The following PRR14L variants were observed in gnomAD, a reference collection of about 807,000 sequenced individuals.
The protein encoded by PRR14L is proline rich 14 like.
In PRR14L, 80 loss-of-function variants were observed where a neutral mutation model predicts 155.0. That is an observed-to-expected ratio of 0.52 (90% confidence interval 0.43 to 0.62). The LOEUF (loss-of-function observed/expected upper bound fraction) is 0.62. Among genes scored for constraint, PRR14L ranks in the 20% least tolerant of loss-of-function variants. The probability of loss-of-function intolerance (pLI) is 0.00; values close to 1 mark genes in which losing one functional copy is unlikely to be tolerated. For missense variants in PRR14L, 2,469 were observed against 2,548.0 expected (o/e 0.97, Z 0.67); for synonymous variants, 883 against 916.0 (o/e 0.96, Z 0.65).
In PRR14L at chr22:31,750,036, C is replaced by G. The variant is rs1176782090; in HGVS notation, c.-95G>C. ...GCCCGCGCTTGCCCAGCCAGCTCAGCCCCTGCAGCTGCAGCCCCGTCGTCG... is the reference window on the plus strand; with the variant it reads ...GCCCGCGCTTGCCCAGCCAGCTCAGGCCCTGCAGCTGCAGCCCCGTCGTCG... On this transcript the variant is annotated 5_prime_UTR_variant, in exon 1 of 9. Transcript: ENST00000327423. The G allele has an allele frequency of 1.3e-5, 2 of 153,096 alleles. No individual in the cohort carries two copies. The highest frequency in any genetic ancestry group is 2.9e-5 in the Non-Finnish European group (2 of 68,812). 9.5% of individuals were successfully genotyped at this position (153,096 alleles called of 1,614,324 possible).
intron 2 of PRR14L, among the ~76,000 whole-genome samples, chr22:31,726,843 G>C (rs2074719031): frequency 6.7e-6 from 1 of 149,774 alleles, no homozygotes; most frequent in Admixed American, 7.6e-5. Context: ...ACCCAGTCAG[G>C]ACAGGGTGCT....
chr22:31,703,150 C>G (rs2074571597), intron 6 of PRR14L, among the ~76,000 whole-genome samples: 1 of 152,182 alleles, frequency 6.6e-6, no homozygotes, highest in African/African-American at 2.4e-5. Context: ...CCCTTCATAT[C>G]ATCAAAACAA....
At position 31,713,331 on chromosome 22, in the gene PRR14L, C is replaced by T. The variant is rs557869990; in HGVS notation, c.4508G>A (p.Cys1503Tyr). The T allele has an allele frequency of 1.3e-6, 2 of 1,552,312 alleles. No individual in the cohort carries two copies. The highest frequency in any genetic ancestry group is 2.4e-5 in the East Asian group (1 of 40,920). The change falls in exon 4 of 9, where the codon TGT becomes TAT. Residue 1503 changes from cysteine (C) to tyrosine (Y), a missense_variant. Physicochemically the swap from Cys to Tyr is radical, Grantham distance 194. Coordinates refer to ENST00000327423, the MANE Select transcript of PRR14L (RefSeq NM_173566.3). The part of the protein sequence containing the change: ...RKAQDPSSAG[C>Y]DQIHGAFAKK... ...CGCAAAGGCACCATGTATTTGATCA[C>T]ACCCAGCAGAGGAGGGGTCTTGTGC...
chr22:31,701,678 T>C lies in PRR14L; in HGVS notation c.6085A>G (p.Met2029Val), dbSNP rs1342364031. Reference protein sequence around the residue: ...IPRPDPNLTPMGLPRPKRLKK... With the variant: ...IPRPDPNLTPVGLPRPKRLKK... The stretch of plus-strand genomic sequence containing the variant: ...CACCTTTTGGGTCGAGGAAGGCCCA[T>C]GGGGGTAAGATTAGGATCTGGCCTA... The change falls in exon 7 of 9, where the codon ATG becomes GTG. Residue 2029 changes from methionine (M) to valine (V), a missense_variant. By Grantham distance (21) the Met-to-Val change is conservative (BLOSUM62 1). Coordinates refer to ENST00000327423, the MANE Select transcript of PRR14L (RefSeq NM_173566.3). The C allele has an allele frequency of 6.2e-7, 1 of 1,612,592 alleles. No individual in the cohort carries two copies. The highest frequency in any genetic ancestry group is 1.1e-5 in the South Asian group (1 of 90,822).
At position 31,713,279 on chromosome 22, in the gene PRR14L, C is replaced by G. The variant is rs1410755750; in HGVS notation, c.4560G>C (p.Lys1520Asn). ...FAKKGVLPLK[K>N]QPHRTCKKVS... ...CTTTCTTACAAGTTCGATGGGGCTG[C>G]TTCTTTAAGGGAAGAACTCCTTTCT... Residue 1520 changes from lysine to asparagine, a missense_variant, in exon 4 of 9, where the codon AAG becomes AAC. Lys to Asn is a moderately conservative substitution (Grantham distance 94, BLOSUM62 0). This residue lies in a region of PRR14L where 2,363 missense variants were observed against 2,371.6 expected (regional missense o/e 1.00). Coordinates refer to ENST00000327423, the MANE Select transcript of PRR14L (RefSeq NM_173566.3). 1 of 1,552,086 alleles carries G rather than the reference C, an allele frequency of 6.4e-7. No individual in the cohort carries two copies. Among genetic ancestry groups the G allele is most frequent in the Non-Finnish European group, 8.7e-7 (1 of 1,147,108 alleles).
At chr22:31,694,832 A>T (rs373024994) in intron 7 of PRR14L, among the ~76,000 whole-genome samples, 28 of 151,780 alleles carry the variant, frequency 1.8e-4, no homozygotes, top group African/African-American at 6.5e-4. Context: ...CACGCCTATA[A>T]TCCCAGCACT....
intron 7 of PRR14L, among the ~76,000 whole-genome samples, chr22:31,701,437 A>G (rs1169606256): frequency 6.6e-6 from 1 of 152,166 alleles, no homozygotes; most frequent in Non-Finnish European, 1.5e-5. Flanking sequence ...CTACGACCTA[A>G]CACAGGTTCA....
chr22:31,733,903 AC>A (rs1393886894), intron 2 of PRR14L, among the ~76,000 whole-genome samples: 7 of 149,000 alleles, frequency 4.7e-5, no homozygotes, highest in South Asian at 2.1e-4. Context: ...AACCACCACC[AC>A]CACACACACA....
Position 31,712,465 on chromosome 22 carries a change from C to T in PRR14L, c.5374G>A (p.Ala1792Thr). Residue 1792 changes from alanine (A) to threonine (T), a missense_variant, in exon 4 of 9, where the codon GCT becomes ACT. Around this residue, in one of 2 missense-constraint regions of PRR14L, gnomAD observed 2,363 missense variants for 2,371.6 expected, o/e 1.00. Transcript: ENST00000327423. ...TGVHSQTHTQ[A>T]PPQPPAPLQD... is the part of the protein sequence containing the mutation. Reference sequence around the variant, plus strand: ...AGAGGAGCTGGAGGCTGGGGAGGAGCCTGAGTGTGGGTCTGACTATGGACG... The same window carrying T: ...AGAGGAGCTGGAGGCTGGGGAGGAGTCTGAGTGTGGGTCTGACTATGGACG... The T allele has an allele frequency of 6.4e-7, 1 of 1,553,830 alleles. No homozygotes were observed. Among genetic ancestry groups the T allele is most frequent in the Non-Finnish European group, 8.7e-7 (1 of 1,148,004 alleles).
At chr22:31,748,915 T>C (rs2074855637) in intron 1 of PRR14L, among the ~76,000 whole-genome samples, 1 of 152,146 alleles carries the variant, frequency 6.6e-6, no homozygotes, top group East Asian at 1.9e-4. Context: ...GGACTGGAAG[T>C]GTCTCTTTCT....
chr22:31,703,756 G>T, intron 5 of PRR14L, 35 bp from the exon 6 acceptor site: 4 of 1,317,656 alleles, frequency 3.0e-6, no homozygotes, highest in South Asian at 3.4e-5. Flanking sequence ...TATGAGAGGG[G>T]TTCCCTTTCT....
intron 7 of PRR14L, among the ~76,000 whole-genome samples, chr22:31,689,383 T>C (rs2147851707): frequency 7.1e-6 from 1 of 141,718 alleles, no homozygotes; most frequent in East Asian, 2.0e-4. Flanking sequence ...TAGGAGTCTC[T>C]GAGAGCTTTG....
In PRR14L at chr22:31,714,461, G is replaced by A. The variant is rs1456322497; in HGVS notation, c.3378C>T (p.Leu1126=). The A allele has an allele frequency of 6.4e-7, 1 of 1,551,222 alleles. No homozygotes were observed. The highest frequency in any genetic ancestry group is 1.2e-5 in the South Asian group (1 of 83,928). The change falls in exon 4 of 9, where the codon CTC becomes CTT. Residue 1126 remains leucine, a synonymous_variant. Coordinates refer to ENST00000327423, the MANE Select transcript of PRR14L (RefSeq NM_173566.3). ...TTTCTTCACATGATTTTTTTATTTT[G>A]AGAAAGTCCACTGTAGAAGCAGCAG... The part of the protein sequence containing the change: ...PVTAASTVDF[L]KIKKSCEENV...
chr22:31,733,298 G>GTTTTCTTTTTTTTT (rs2074760270), intron 2 of PRR14L, among the ~76,000 whole-genome samples: 1 of 64,034 alleles, frequency 1.6e-5, no homozygotes, highest in African/African-American at 7.4e-5. Context: ...CCTGGCCACT[G>GTTTTCTTTTTTTTT]TTTTTTTTTT....
chr22:31,717,430 A>G (rs1013624041), intron 3 of PRR14L, 139 bp from the exon 4 acceptor site: 1 of 665,608 alleles, frequency 1.5e-6, no homozygotes, highest in Non-Finnish European at 2.5e-6. Flanking sequence ...TTAGCATGCT[A>G]TACCATTGAT....
At chr22:31,717,903 G>A (rs1406686147) in intron 3 of PRR14L, among the ~76,000 whole-genome samples, 1 of 150,466 alleles carries the variant, frequency 6.6e-6, no homozygotes, top group Non-Finnish European at 1.5e-5. Flanking sequence ...GGGATTCTAG[G>A]TGCCTGCAAC....
intron 2 of PRR14L, among the ~76,000 whole-genome samples, chr22:31,731,875 T>C (rs760197840): frequency 5.9e-5 from 9 of 152,284 alleles, no homozygotes; most frequent in Non-Finnish European, 1.0e-4. Context: ...ACCCTCCCCA[T>C]TGGTTTTGTT....
At chr22:31,737,467 C>T (rs535812167) in intron 2 of PRR14L, among the ~76,000 whole-genome samples, 46 of 149,786 alleles carry the variant, frequency 3.1e-4, no homozygotes, top group African/African-American at 1.1e-3. Context: ...GGTGACAGAG[C>T]AAGACTCTGT....
At chr22:31,741,962 G>T (rs762995594) in intron 1 of PRR14L, among the ~76,000 whole-genome samples, 1 of 152,022 alleles carries the variant, frequency 6.6e-6, no homozygotes, top group South Asian at 2.1e-4. Flanking sequence ...CTTTCTAGGG[G>T]CACTTCAGAT....
Sources: gnomAD v4.1 joint callset for allele counts (sites outside exome capture counted in the v4.1 genomes callset) on GRCh38, gnomAD v4.1.1 for gene constraint, gnomAD v4.1.1 regional missense constraint, MANE v1.5 for transcripts, NCBI Gene and HGNC (gene_info 2026-07-23, HGNC 2026-07-21) for gene names.